Variants in BAZ2A observed in about 807,000 individuals in gnomAD.
BAZ2A encodes bromodomain adjacent to zinc finger domain protein 2A.
In BAZ2A, 34 loss-of-function variants were observed where a neutral mutation model predicts 199.9. That is an observed-to-expected ratio of 0.17 (90% CI 0.13 to 0.23). The LOEUF (loss-of-function observed/expected upper bound fraction) is 0.23. BAZ2A is among the 10% of genes least tolerant of loss of function. The pLI, the probability that BAZ2A is intolerant of heterozygous loss-of-function variation, is 1.00. For synonymous variants in BAZ2A, 857 were observed against 883.9 expected (o/e 0.97, Z 0.54); for missense variants, 2,002 against 2,391.1 (o/e 0.84, Z 3.39).
At chr12:56,606,394 T>G (rs1184707485) in intron 11 of BAZ2A, 82 bp from the exon 12 acceptor site, 1 of 1,530,054 alleles carries the variant, frequency 6.5e-7, no homozygotes, top group East Asian at 2.3e-5. Flanking sequence ...CAGACAAGGG[T>G]GCTGGGGAGG....
chr12:56,614,884 A>G (rs900254671), intron 3 of BAZ2A, 130 bp downstream of exon 3: 4 of 970,118 alleles, frequency 4.1e-6, no homozygotes, highest in African/African-American at 3.3e-5. Context: ...GCTAATTGCT[A>G]ATCACCAACA....
chr12:56,612,197 C>T lies in BAZ2A; in HGVS notation c.1185G>A (p.Met395Ile). 1.9e-6 allele frequency: 3 copies of T among 1,613,704 alleles called. No individual in the cohort carries two copies. Among genetic ancestry groups the T allele is most frequent in the South Asian group, 2.2e-5 (2 of 91,060 alleles). ...NNGSDAEQEEMETQSSDFPPS... is the reference protein window; with the variant it reads ...NNGSDAEQEEIETQSSDFPPS... ...GTGGGAAGTCTGAAGATTGAGTTTC[C>T]ATTTCTTCCTGTTCAGCGTCACTAC... is the stretch of plus-strand genomic sequence containing the variant. The change falls in exon 6 of 29, where the codon ATG becomes ATA. Residue 395 changes from methionine to isoleucine, a missense_variant. Physicochemically the swap from Met to Ile is conservative, Grantham distance 10 (BLOSUM62 1). Transcript: ENST00000549884.
intron 13 of BAZ2A, chr12:56,605,537 TCAGTCTCTCAAATAGCTGGGACTA>T (rs1307804025): frequency 1.6e-6 from 1 of 623,324 alleles, no homozygotes; most frequent in African/African-American, 1.9e-5. Context: ...TTCTCCCACC[TCAGTCTCTCAAATAGCTGGGACTA>T]CAGGTACATG....
chr12:56,615,936 G>A (rs1186917974), intron 2 of BAZ2A, among the ~76,000 whole-genome samples: 1 of 152,064 alleles, frequency 6.6e-6, no homozygotes, highest in African/African-American at 2.4e-5. Context: ...ACGGAATCTC[G>A]CTATGTCACC....
Position 56,611,856 on chromosome 12 carries a change from G to C in BAZ2A, c.1526C>G (p.Ala509Gly). 1 of 1,598,444 alleles carries C rather than the reference G, an allele frequency of 6.3e-7. No individual in the cohort carries two copies. Among genetic ancestry groups the C allele is most frequent in the Non-Finnish European group, 8.5e-7 (1 of 1,171,210 alleles). ...TAGAAAGCTGCTGACATCCTTATTT[G>C]CTGGGGAGGCTGTTGGAAAGGCAGC... ...PAAAFPTASP[A>G]NKDVSSFLET... Residue 509 changes from alanine (A) to glycine (G), a missense_variant, in exon 6 of 29, where the codon GCA becomes GGA. By Grantham distance (60) the Ala-to-Gly change is moderately conservative. Transcript: ENST00000549884.
chr12:56,637,502 CTT>C (rs745546559), upstream of BAZ2A, among the ~76,000 whole-genome samples: 19 of 152,282 alleles, frequency 1.2e-4, 1 homozygote, highest in South Asian at 3.9e-3. Context: ...TCACAAGCAA[CTT>C]TTATTTAGGC....
intron 13 of BAZ2A, chr12:56,605,569 A>G (rs566073439): frequency 1.6e-6 from 1 of 608,374 alleles, no homozygotes; most frequent in African/African-American, 1.9e-5. Flanking sequence ...CTACAGGTAC[A>G]TGCCACCACA....
At chr12:56,634,769 T>C (rs1297262534), upstream of BAZ2A, among the ~76,000 whole-genome samples, 1 of 151,730 alleles carries the variant, frequency 6.6e-6, no homozygotes. Context: ...CGGATTCCGG[T>C]CGCGGAGGAC....
At chr12:56,630,500 C>A (rs1951279310), upstream of BAZ2A, among the ~76,000 whole-genome samples, 2 of 152,374 alleles carry the variant, frequency 1.3e-5, no homozygotes, top group African/African-American at 4.8e-5. Flanking sequence ...GCTCCCTCTG[C>A]ACCCGCATCT....
In BAZ2A at chr12:56,635,607, G is replaced by A. The variant is rs60055969; in HGVS notation, c.4+575C>T. On this transcript the variant is annotated intron_variant, in intron 1 of 29. Coordinates refer to the BAZ2A transcript ENST00000379441. The surrounding 1 kb of genome is among the most constrained non-coding windows in gnomAD (Gnocchi z 4.1). The stretch of plus-strand genomic sequence containing the variant: ...TGTGGGGGCCATCAATAGCAGCCCT[G>A]GTGAGGCTGATGTGGGACCATGAGA... 0.053 allele frequency among the ~76,000 whole-genome samples: 8,019 copies of A among 152,186 alleles called. 694 individuals carry two copies. Among genetic ancestry groups the A allele is most frequent in the African/African-American group, 0.18 (7,548 of 41,480 alleles).
chr12:56,634,833 T>G (rs1442375114), upstream of BAZ2A: 1 of 886,316 alleles, frequency 1.1e-6, no homozygotes, highest in Non-Finnish European at 1.4e-6. Context: ...GGCAGCTCCC[T>G]CAGGGGGAGA....
At chr12:56,631,759 T>C (rs1207458572), upstream of BAZ2A, among the ~76,000 whole-genome samples, 1 of 152,114 alleles carries the variant, frequency 6.6e-6, no homozygotes, top group Non-Finnish European at 1.5e-5. Flanking sequence ...TGTCAACAAA[T>C]ACGTTTTCCT....
chr12:56,630,349 A>T, upstream of BAZ2A: 1 of 907,312 alleles, frequency 1.1e-6, no homozygotes, highest in African/African-American at 1.8e-5. Context: ...GAGGGGGCGG[A>T]GAAGCCTCGG....
In BAZ2A at chr12:56,629,440, T is replaced by C. The variant is rs1479728265; in HGVS notation, c.-3+685A>G. Among the ~76,000 whole-genome samples, 5 of 152,176 alleles carry C rather than the reference T, an allele frequency of 3.3e-5. No homozygotes were observed. In the East Asian group the frequency reaches 9.6e-4, roughly 29 times the overall value. ...CTCCTTGGAAAAAGGAATTCCTCTT[T>C]ATTCTTCCCTTCTGCCCCTCAGCCC... On this transcript the variant is annotated intron_variant, in intron 1 of 28. Coordinates refer to ENST00000549884, the MANE Select transcript of BAZ2A (RefSeq NM_001300905.2).
chr12:56,606,146 A>G (rs1950345128), intron 12 of BAZ2A, 83 bp from the exon 13 acceptor site: 1 of 1,570,408 alleles, frequency 6.4e-7, no homozygotes. Context: ...CCAACCTCAC[A>G]GCCCAGAAAT....
rs967185003 is a variant in BAZ2A, at chr12:56,602,065, G to C, written c.3552C>G (p.Ala1184=). 33 of 1,564,642 alleles carry C rather than the reference G, an allele frequency of 2.1e-5. No individual in the cohort carries two copies. Among genetic ancestry groups the C allele is most frequent in the Non-Finnish European group, 2.8e-5 (32 of 1,154,212 alleles). Residue 1184 remains alanine, a synonymous_variant, in exon 20 of 29, where the codon GCC becomes GCG. Coordinates refer to ENST00000549884, the MANE Select transcript of BAZ2A (RefSeq NM_001300905.2). ...AGSNTTASSP[A]RARGRPRKTK... is the part of the protein sequence containing the mutation. ...TTTTTCGAGGTCGGCCTCGGGCCCGGGCAGGAGAACTGGCAGTGGTGTTGG... is the reference window on the plus strand; with the variant it reads ...TTTTTCGAGGTCGGCCTCGGGCCCGCGCAGGAGAACTGGCAGTGGTGTTGG...
In BAZ2A at chr12:56,596,723, A is replaced by G. The variant is rs554348689; in HGVS notation, c.*1895T>C. On this transcript the variant is annotated 3_prime_UTR_variant, in exon 29 of 29. Transcript: ENST00000549884. Reference sequence around the variant, plus strand: ...TTAGATAAAATATAAATATTTATGCATAATATAAAGTCAATTCAAATATTC... The same window carrying G: ...TTAGATAAAATATAAATATTTATGCGTAATATAAAGTCAATTCAAATATTC... The G allele has an allele frequency of 6.5e-6, 1 of 152,798 alleles. No individual in the cohort carries two copies. The highest frequency in any genetic ancestry group is 2.1e-4 in the South Asian group (1 of 4,832). The allele number at this position is 152,798 out of a possible 1,614,324, so 9.5% of individuals were successfully genotyped here.
Position 56,602,126 on chromosome 12 carries a change from G to T in BAZ2A, c.3491C>A (p.Pro1164His). ...CTCCATCTTCATAGAGAAGAGGGCA[G>T]GGTTGAGTGACGCATGGGCTGCCAC... ...LKVAAHASLN[P>H]ALFSMKMELA... The change falls in exon 20 of 29, where the codon CCT (proline) becomes CAT (histidine). Residue 1164 changes from proline (P) to histidine (H), a missense_variant. Coordinates refer to ENST00000549884, the MANE Select transcript of BAZ2A (RefSeq NM_001300905.2). The T allele has an allele frequency of 6.3e-7, 1 of 1,593,812 alleles. No individual in the cohort carries two copies. Among genetic ancestry groups the T allele is most frequent in the East Asian group, 2.3e-5 (1 of 44,232 alleles).
chr12:56,628,797 T>G (rs893096816), intron 1 of BAZ2A, among the ~76,000 whole-genome samples: 1 of 152,216 alleles, frequency 6.6e-6, no homozygotes, highest in African/African-American at 2.4e-5. Flanking sequence ...CCCAAGAAGC[T>G]ACTCGTGCCA....
Sources: gnomAD v4.1 joint callset for allele counts (sites outside exome capture counted in the v4.1 genomes callset) on GRCh38, gnomAD v4.1.1 for gene constraint, Gnocchi (gnomAD v3.1) non-coding constraint, MANE v1.5 for transcripts, NCBI Gene and HGNC (gene_info 2026-07-23, HGNC 2026-07-21) for gene names.